LAMA2: variants seen among roughly 807,000 people sequenced by gnomAD.
LAMA2 encodes laminin subunit alpha-2.
LAMA2 carries 269 observed loss-of-function variants against 364.8 expected under a neutral mutation model. That is an observed-to-expected ratio of 0.74 (90% CI 0.67 to 0.82). The LOEUF (loss-of-function observed/expected upper bound fraction) is 0.82, where lower values mean the gene tolerates loss of function less well. Ranked by LOEUF, LAMA2 falls within the 40% of genes least tolerant of loss-of-function variation. The pLI is 0.00. For synonymous variants in LAMA2, 1,379 were observed against 1,370.6 expected, an observed-to-expected ratio of 1.01 and a Z score of -0.14; for missense variants, 3,807 against 3,873.2, an observed-to-expected ratio of 0.98 and a Z score of 0.45.
intron 22 of LAMA2, among the ~76,000 whole-genome samples, chr6:129,311,526 A>G (rs1046942675): frequency 1.4e-4 from 21 of 152,146 alleles, no homozygotes; most frequent in African/African-American, 5.1e-4. Context: ...CTGCCACCGG[A>G]TACGGAGAAA....
intron 12 of LAMA2, among the ~76,000 whole-genome samples, chr6:129,246,182 T>C (rs546595921): frequency 9.8e-5 from 15 of 152,340 alleles, no homozygotes; most frequent in African/African-American, 3.6e-4. Flanking sequence ...GAGTATCAGA[T>C]TGGATAATGC....
intron 12 of LAMA2, among the ~76,000 whole-genome samples, chr6:129,214,954 G>C (rs1355427968): frequency 1.3e-5 from 2 of 152,018 alleles, no homozygotes; most frequent in Admixed American, 1.3e-4. Flanking sequence ...TCTTTCACTG[G>C]AGTTTTATAG....
Position 129,192,802 on chromosome 6 carries a change from C to G in LAMA2, c.1731C>G (p.Ala577=). 1 of 1,614,162 alleles carries G rather than the reference C, an allele frequency of 6.2e-7. No individual in the cohort carries two copies. Among genetic ancestry groups the G allele is most frequent in the African/African-American group, 1.3e-5 (1 of 75,042 alleles). ...TCAGTAACGCGGAGGCCCGGCAAGC[C>G]CTGCCGCACAGCTACTACTGGAGCG... ...ISISNAEARQ[A]LPHSYYWSAP... The change falls in exon 12 of 65, where the codon GCC becomes GCG. Residue 577 remains alanine, a synonymous_variant. Coordinates refer to ENST00000421865, the MANE Select transcript of LAMA2 (RefSeq NM_000426.4).
chr6:129,381,382 G>T (rs896877585), intron 34 of LAMA2, among the ~76,000 whole-genome samples: 1 of 151,008 alleles, frequency 6.6e-6, no homozygotes, highest in South Asian at 2.1e-4. Flanking sequence ...TCGCTCTGTC[G>T]CCAGGCTGGA....
chr6:129,490,934 A>G (rs1784829014), intron 56 of LAMA2: 1 of 152,184 alleles, frequency 6.6e-6, no homozygotes, highest in South Asian at 2.1e-4. Flanking sequence ...TCTTACTTGT[A>G]AAGTGCCAAT....
intron 12 of LAMA2, among the ~76,000 whole-genome samples, chr6:129,249,273 CTATT>C (rs1786000889): frequency 1.3e-5 from 2 of 152,236 alleles, no homozygotes; most frequent in Admixed American, 1.3e-4. Flanking sequence ...ATGAATATCT[CTATT>C]TACAGTGCTG....
intron 29 of LAMA2, among the ~76,000 whole-genome samples, 158 bp from the exon 30 acceptor site, chr6:129,342,185 T>A (rs1027191728): frequency 4.6e-5 from 7 of 152,166 alleles, no homozygotes; most frequent in African/African-American, 1.7e-4. Flanking sequence ...TATCAAAGAC[T>A]GAGTTCTCTG....
At chr6:129,256,879 A>C (rs1470569787) in intron 14 of LAMA2, among the ~76,000 whole-genome samples, 2 of 146,042 alleles carry the variant, frequency 1.4e-5, no homozygotes, top group Non-Finnish European at 3.0e-5. Context: ...TGGTTGTTTT[A>C]GTGTAATATA....
intron 32 of LAMA2, among the ~76,000 whole-genome samples, chr6:129,355,885 T>C (rs146914857): frequency 3.0e-4 from 46 of 152,328 alleles, no homozygotes; most frequent in African/African-American, 9.1e-4. Flanking sequence ...AAATGCATGA[T>C]AAATGACCTA....
At chr6:129,317,988 T>C (rs1256578028) in intron 27 of LAMA2, among the ~76,000 whole-genome samples, 1 of 152,000 alleles carries the variant, frequency 6.6e-6, no homozygotes, top group Admixed American at 6.6e-5. Flanking sequence ...TAAGTGACCG[T>C]TTTTTTGAAA....
chr6:129,173,630 G>A (rs1026364106), intron 9 of LAMA2, among the ~76,000 whole-genome samples: 1 of 152,102 alleles, frequency 6.6e-6, no homozygotes, highest in African/African-American at 2.4e-5. Flanking sequence ...TTGTAATACT[G>A]TAATTAGATA....
intron 1 of LAMA2, among the ~76,000 whole-genome samples, chr6:128,988,666 T>C (rs974019804): frequency 1.3e-5 from 2 of 152,252 alleles, no homozygotes; most frequent in Non-Finnish European, 2.9e-5. Context: ...CTTTTTTAAC[T>C]TTGAGTTTTA....
intron 1 of LAMA2, among the ~76,000 whole-genome samples, chr6:128,932,493 G>A (rs189780589): frequency 5.3e-5 from 8 of 152,174 alleles, no homozygotes; most frequent in South Asian, 2.1e-4. Flanking sequence ...ACAGAGAAGC[G>A]TAACAGAGCA....
At chr6:129,304,764 T>A (rs1773763259) in intron 22 of LAMA2, among the ~76,000 whole-genome samples, 1 of 152,234 alleles carries the variant, frequency 6.6e-6, no homozygotes, top group African/African-American at 2.4e-5. Context: ...TTCTAAATAT[T>A]TGGGGAATTT....
intron 43 of LAMA2, chr6:129,442,746 T>C (rs1364083117): frequency 5.1e-6 from 2 of 389,064 alleles, no homozygotes; most frequent in Non-Finnish European, 9.6e-6. Flanking sequence ...TGGCCTTTTG[T>C]CATATCTCTG....
At position 128,923,383 on chromosome 6, in the gene LAMA2, C is replaced by A. The variant is rs543631779; in HGVS notation, c.112+40026C>A. Among the ~76,000 whole-genome samples the A allele has an allele frequency of 5.4e-3, 820 of 150,810 alleles. 25 individuals carry two copies. The highest frequency in any genetic ancestry group is 1.8e-3 in the Non-Finnish European group (119 of 67,680). On this transcript the variant is annotated intron_variant, in intron 1 of 64. Transcript: ENST00000421865. ...ATTTGTTTGTATCCTCTTTTATTTC[C>A]TTGAGCAGTGGTTTGTAGTTCTCCT...
Position 129,178,153 on chromosome 6 carries a change from C to T in LAMA2, c.1467+287C>T, listed in dbSNP as rs527650931. ...ACTAGTGTGTTAATTTAAAAATATA[C>T]GGCACTAGAAATAGCAACCCTTTAA... is the stretch of plus-strand genomic sequence containing the variant. On this transcript the variant is annotated intron_variant, in intron 10 of 64. Transcript: ENST00000421865. Among the ~76,000 whole-genome samples the T allele has an allele frequency of 2.1e-4, 32 of 152,240 alleles. No homozygotes were observed. The East Asian group carries it at 4.1e-3, about 19-fold the overall frequency.
chr6:128,914,970 A>G (rs543286526), intron 1 of LAMA2, among the ~76,000 whole-genome samples: 1 of 152,148 alleles, frequency 6.6e-6, no homozygotes, highest in African/African-American at 2.4e-5. Context: ...TTTATACTTC[A>G]TGTATATTAC....
chr6:129,392,659 A>G (rs1190026398), intron 36 of LAMA2, among the ~76,000 whole-genome samples: 1 of 152,218 alleles, frequency 6.6e-6, no homozygotes, highest in Non-Finnish European at 1.5e-5. Context: ...AGCAAACATA[A>G]CAATATTCAT....
Sources: allele counts gnomAD v4.1 joint callset (sites outside exome capture counted in the v4.1 genomes callset), GRCh38; gene constraint gnomAD v4.1.1; transcripts MANE v1.5; gene names NCBI Gene and HGNC (gene_info 2026-07-23, HGNC 2026-07-21).